Variants in SRGAP3 observed in about 807,000 individuals in gnomAD.
The protein encoded by SRGAP3 is SLIT-ROBO Rho GTPase activating protein 3, also known as SLIT-ROBO Rho GTPase-activating protein 3.
In SRGAP3, 39 loss-of-function variants were observed where a neutral mutation model predicts 121.1. That is an observed-to-expected ratio of 0.32 (90% CI 0.25 to 0.42). The LOEUF (loss-of-function observed/expected upper bound fraction) is 0.42. SRGAP3 is among the 10% of genes least tolerant of loss of function. SRGAP3 has a pLI of 1.00. For missense variants in SRGAP3, 1,213 were observed against 1,470.6 expected (o/e 0.82, Z 2.86); for synonymous variants, 601 against 570.0 (o/e 1.05, Z -0.77).
rs1038596469 is a variant in SRGAP3, at chr3:8,981,740, C to T, written c.*3779G>A. 14 of 230,088 alleles carry T rather than the reference C, an allele frequency of 6.1e-5. No homozygotes were observed. The highest frequency in any genetic ancestry group is 4.5e-4 in the Admixed American group (8 of 17,634). 14.3% of individuals were successfully genotyped at this position (230,088 alleles called of 1,614,324 possible). A position where few individuals can be genotyped will look rare whatever the true frequency, so the allele number is the denominator to read the frequency against. ...CAGATCTCTGAACTGCTGGTTCCAG[C>T]CGATAGCCAAAATATGGCTCAATTT... is the stretch of plus-strand genomic sequence containing the variant. On this transcript the variant is annotated 3_prime_UTR_variant, in exon 22 of 22. Coordinates refer to ENST00000383836, the MANE Select transcript of SRGAP3 (RefSeq NM_014850.4).
chr3:9,238,065 A>G (rs1953479117), intron 1 of SRGAP3, among the ~76,000 whole-genome samples: 1 of 152,188 alleles, frequency 6.6e-6, no homozygotes, highest in Non-Finnish European at 1.5e-5. Flanking sequence ...ACAGGTCAGG[A>G]ATGCTGCTAA....
intron 3 of SRGAP3, among the ~76,000 whole-genome samples, chr3:9,089,477 A>G (rs943223921): frequency 6.6e-6 from 1 of 152,146 alleles, no homozygotes; most frequent in African/African-American, 2.4e-5. Context: ...ACAGTGAAAA[A>G]AAGTCATCAC....
chr3:9,340,663 G>T (rs1955770752), intron 1 of SRGAP3, among the ~76,000 whole-genome samples: 1 of 152,082 alleles, frequency 6.6e-6, no homozygotes, highest in South Asian at 2.1e-4. Flanking sequence ...ACATCCAGTA[G>T]TTTTTTTACT....
intron 1 of SRGAP3, among the ~76,000 whole-genome samples, chr3:9,144,036 C>T (rs1373857598): frequency 6.6e-6 from 1 of 151,852 alleles, no homozygotes; most frequent in African/African-American, 2.4e-5. Flanking sequence ...TAAACTAGCC[C>T]CCACATCACT....
chr3:9,208,221 C>A (rs1022984640), intron 1 of SRGAP3, among the ~76,000 whole-genome samples: 5 of 152,072 alleles, frequency 3.3e-5, no homozygotes, highest in Non-Finnish European at 7.4e-5. Context: ...CATATCCTTT[C>A]TAGGCCTTCC....
At position 9,015,119 on chromosome 3, in the gene SRGAP3, A is replaced by T. The variant is rs79640766; in HGVS notation, c.1813+478T>A. Among the ~76,000 whole-genome samples, 585 of 152,236 alleles carry T rather than the reference A, an allele frequency of 3.8e-3. 11 individuals are homozygous for T. In the East Asian group the frequency reaches 0.063, roughly 16 times the overall value. On this transcript the variant is annotated intron_variant, in intron 15 of 21. Transcript: ENST00000383836. ...TGGTCATGCTGCTGACCTGACCTCTAGACCTTCCACGTCTCCCCATCACCC... is the reference window on the plus strand; with the variant it reads ...TGGTCATGCTGCTGACCTGACCTCTTGACCTTCCACGTCTCCCCATCACCC...
At position 9,161,376 on chromosome 3, in the gene SRGAP3, C is replaced by A. The variant is rs115282780; in HGVS notation, c.68-36459G>T. Among the ~76,000 whole-genome samples the A allele has an allele frequency of 3.0e-3, 457 of 152,348 alleles. 1 individual carries two copies. The highest frequency in any genetic ancestry group is 0.011 in the African/African-American group (443 of 41,582). ...CCCAACAGTGGTTCATATGCAGGGG[C>A]AGCTCCTGGTTCCTGGGTGCTGTGT... On this transcript the variant is annotated intron_variant, in intron 1 of 21. Transcript: ENST00000383836.
intron 1 of SRGAP3, chr3:9,235,948 T>C (rs1250624122): frequency 6.5e-6 from 1 of 154,982 alleles, no homozygotes; most frequent in African/African-American, 2.4e-5. Flanking sequence ...TGTGTTTGTG[T>C]ATTTTACCAC....
chr3:9,191,839 G>C (rs998692043), intron 1 of SRGAP3, among the ~76,000 whole-genome samples: 1 of 152,160 alleles, frequency 6.6e-6, no homozygotes, highest in Non-Finnish European at 1.5e-5. Context: ...TTTCACCACA[G>C]TGAGTTCTTG....
chr3:9,291,182 C>T (rs1039410125), intron 3 of SRGAP3, among the ~76,000 whole-genome samples: 5 of 152,294 alleles, frequency 3.3e-5, no homozygotes, highest in South Asian at 4.1e-4. Context: ...CATCTCGGCA[C>T]TTTCTGACTC....
chr3:9,270,674 G>A (rs73122611), intron 3 of SRGAP3, among the ~76,000 whole-genome samples: 9,691 of 152,184 alleles, frequency 0.064, 945 homozygotes, highest in African/African-American at 0.21. Flanking sequence ...ATAATCATAA[G>A]TGTGTAAAAT....
At chr3:8,990,181 G>GA (rs1941952443) in intron 21 of SRGAP3, among the ~76,000 whole-genome samples, 1 of 152,228 alleles carries the variant, frequency 6.6e-6, no homozygotes, top group Admixed American at 6.5e-5. Context: ...AGAAATGAAT[G>GA]AATGAGTGAA....
intron 2 of SRGAP3, among the ~76,000 whole-genome samples, chr3:9,329,915 T>C (rs534010774): frequency 1.3e-5 from 2 of 152,322 alleles, no homozygotes; most frequent in South Asian, 4.1e-4. Context: ...GCCAAACCCG[T>C]TCTTAGCCAA....
intron 3 of SRGAP3, among the ~76,000 whole-genome samples, chr3:9,255,572 A>G (rs1205502264): frequency 6.6e-6 from 1 of 152,206 alleles, no homozygotes; most frequent in East Asian, 1.9e-4. Flanking sequence ...CTATCCCTGA[A>G]CCAATCGCTG....
At chr3:9,011,106 G>A (rs341786) in intron 17 of SRGAP3, among the ~76,000 whole-genome samples, 432 of 152,218 alleles carry the variant, frequency 2.8e-3, no homozygotes, top group Middle Eastern at 6.8e-3. Flanking sequence ...TAGGAGGGAT[G>A]CAATGATAGA....
At chr3:9,352,145 T>G (rs1270443041) in intron 1 of SRGAP3, among the ~76,000 whole-genome samples, 1 of 152,128 alleles carries the variant, frequency 6.6e-6, no homozygotes, top group Non-Finnish European at 1.5e-5. Context: ...GCCTTTATAA[T>G]CTCTAACTTT....
intron 1 of SRGAP3, among the ~76,000 whole-genome samples, chr3:9,340,915 C>CT (rs1955776609): frequency 6.6e-6 from 1 of 152,150 alleles, no homozygotes; most frequent in African/African-American, 2.4e-5. Flanking sequence ...ATGCCATAGA[C>CT]TAAGTAATTT....
At chr3:9,087,881 C>T (rs985105110) in intron 3 of SRGAP3, among the ~76,000 whole-genome samples, 1 of 152,116 alleles carries the variant, frequency 6.6e-6, no homozygotes, top group Non-Finnish European at 1.5e-5. Flanking sequence ...GACTGTAAGC[C>T]GCCAGAGGGA....
chr3:9,157,568 C>T (rs980645039), intron 1 of SRGAP3, among the ~76,000 whole-genome samples: 5 of 152,184 alleles, frequency 3.3e-5, no homozygotes, highest in Non-Finnish European at 7.3e-5. Flanking sequence ...AAACAGGATG[C>T]TGTTGTCCTT....
Sources: allele counts gnomAD v4.1 joint callset (sites outside exome capture counted in the v4.1 genomes callset), GRCh38; gene constraint gnomAD v4.1.1; transcripts MANE v1.5; gene names NCBI Gene and HGNC (gene_info 2026-07-23, HGNC 2026-07-21).